CNBD1: variants seen among roughly 807,000 people sequenced by gnomAD.
The protein encoded by CNBD1 is cyclic nucleotide binding domain containing 1.
Under a neutral mutation model 54.4 loss-of-function variants are expected in CNBD1, and 71 were observed. The ratio of observed to expected loss-of-function variants is 1.30; its 90% confidence interval spans 1.08 to 1.59. The LOEUF (loss-of-function observed/expected upper bound fraction) is 1.59, where lower values mean the gene tolerates loss of function less well. Among genes scored for constraint, CNBD1 ranks in the 40% most tolerant of loss-of-function variants. The pLI is 0.00. For missense variants in CNBD1, 659 were observed against 518.0 expected (o/e 1.27, Z -2.64); for synonymous variants, 182 against 170.7 (o/e 1.07, Z -0.51).
intron 4 of CNBD1, among the ~76,000 whole-genome samples, chr8:87,097,982 T>C (rs2130688963): frequency 6.6e-6 from 1 of 152,356 alleles, no homozygotes; most frequent in Middle Eastern, 3.4e-3. Context: ...ATAACATTGT[T>C]ATGCTTCCCT....
At chr8:87,067,294 G>T (rs137953083) in intron 4 of CNBD1, among the ~76,000 whole-genome samples, 2 of 151,956 alleles carry the variant, frequency 1.3e-5, no homozygotes, top group East Asian at 3.9e-4. Context: ...CAAAGATAAA[G>T]AACACACATT....
At chr8:87,266,438 C>CTTTTTTTTTTTTTT (rs72293236) in intron 6 of CNBD1, among the ~76,000 whole-genome samples, 1 of 50,120 alleles carries the variant, frequency 2.0e-5, no homozygotes, top group African/African-American at 8.6e-5. Context: ...AAAAAAAAAT[C>CTTTTTTTTTTTTTT]TTTTTTTTTT....
chr8:87,114,986 C>G (rs2130708460), intron 4 of CNBD1, among the ~76,000 whole-genome samples: 1 of 152,222 alleles, frequency 6.6e-6, no homozygotes, highest in East Asian at 1.9e-4. Flanking sequence ...AATAGAATGT[C>G]ATAGGCTAAT....
At chr8:87,399,972 A>G (rs1807518368) in intron 2 of CNBD1, among the ~76,000 whole-genome samples, 1 of 151,942 alleles carries the variant, frequency 6.6e-6, no homozygotes. Flanking sequence ...GGACATAACC[A>G]AGACCACTGG....
At chr8:87,411,306 T>A (rs1164932764) in intron 2 of CNBD1, among the ~76,000 whole-genome samples, 1 of 150,330 alleles carries the variant, frequency 6.7e-6, no homozygotes, top group Non-Finnish European at 1.5e-5. Flanking sequence ...TACAACCCTA[T>A]GTTTAACTTG....
intron 2 of CNBD1, among the ~76,000 whole-genome samples, chr8:87,414,457 G>A (rs1241562514): frequency 6.6e-6 from 1 of 151,986 alleles, no homozygotes; most frequent in Non-Finnish European, 1.5e-5. Flanking sequence ...CACCAACATG[G>A]CACATGTATA....
chr8:86,966,436 T>A (rs1808076088), intron 4 of CNBD1, among the ~76,000 whole-genome samples: 1 of 152,192 alleles, frequency 6.6e-6, no homozygotes, highest in Non-Finnish European at 1.5e-5. Context: ...AGATGGTGTA[T>A]CCGGAGTTTA....
intron 10 of CNBD1, among the ~76,000 whole-genome samples, chr8:87,378,564 G>A (rs1241436739): frequency 6.7e-6 from 1 of 150,276 alleles, no homozygotes; most frequent in Admixed American, 6.6e-5. Context: ...TAGCCTTGTT[G>A]TATAGTTTGA....
At chr8:87,231,349 A>G (rs1814685964) in intron 5 of CNBD1, among the ~76,000 whole-genome samples, 1 of 152,136 alleles carries the variant, frequency 6.6e-6, no homozygotes, top group Non-Finnish European at 1.5e-5. Flanking sequence ...TGAGACAGAG[A>G]GGGGAGGGGA....
chr8:87,378,258 GT>G (rs985244016), intron 10 of CNBD1, among the ~76,000 whole-genome samples: 14 of 143,702 alleles, frequency 9.7e-5, no homozygotes, highest in Admixed American at 8.4e-4. Flanking sequence ...TAATGCCTAG[GT>G]TTTCTTCTAG....
intron 8 of CNBD1, among the ~76,000 whole-genome samples, chr8:87,302,482 C>T (rs568045937): frequency 5.3e-4 from 81 of 151,950 alleles, no homozygotes; most frequent in Middle Eastern, 3.4e-3. Flanking sequence ...ATTGATGGGA[C>T]GTATCTCAAA....
At chr8:87,157,424 G>A (rs1390243141) in intron 4 of CNBD1, among the ~76,000 whole-genome samples, 1 of 152,186 alleles carries the variant, frequency 6.6e-6, no homozygotes, top group Non-Finnish European at 1.5e-5. Context: ...AAGTAATAAG[G>A]ATAAGGTGAC....
At chr8:87,337,047 G>A (rs781669734) in intron 8 of CNBD1, among the ~76,000 whole-genome samples, 34 of 152,148 alleles carry the variant, frequency 2.2e-4, no homozygotes, top group Non-Finnish European at 4.4e-4. Context: ...AAGGAGGCTG[G>A]AGAACAGCAA....
intron 2 of CNBD1, among the ~76,000 whole-genome samples, chr8:87,389,357 G>T (rs756405618): frequency 6.6e-6 from 1 of 152,114 alleles, no homozygotes; most frequent in Non-Finnish European, 1.5e-5. Context: ...AAACCCCAGC[G>T]TCTCAGCCCA....
At chr8:87,241,480 G>T (rs564120204) in intron 6 of CNBD1, among the ~76,000 whole-genome samples, 3 of 151,926 alleles carry the variant, frequency 2.0e-5, no homozygotes, top group Non-Finnish European at 4.4e-5. Flanking sequence ...CACCGTGTTA[G>T]CCAGGATCGT....
In CNBD1 at chr8:87,406,482, T is replaced by TACACACAC. The variant is rs1563589764; in HGVS notation, c.214-22064_214-22063insACACACAC. ...CACACACACACACACACACACACTT[T>TACACACAC]TTTTTTTTTTTTTTTGAGACAGAAT... On this transcript the variant is annotated intron_variant, in intron 2 of 7. Transcript: ENST00000521593. 2.0e-3 allele frequency among the ~76,000 whole-genome samples: 287 copies of TACACACAC among 142,956 alleles called. 2 individuals are homozygous for TACACACAC. Among genetic ancestry groups the TACACACAC allele is most frequent in the African/African-American group, 7.3e-3 (262 of 35,978 alleles). 93.8% of individuals were successfully genotyped at this position (142,956 alleles called of 152,430 possible).
At chr8:87,390,125 G>C (rs932821284) in intron 2 of CNBD1, among the ~76,000 whole-genome samples, 1 of 151,502 alleles carries the variant, frequency 6.6e-6, no homozygotes, top group Non-Finnish European at 1.5e-5. Context: ...TTAAACGTTA[G>C]ACCTAAAACC....
At chr8:87,268,532 C>A (rs978949355) in intron 6 of CNBD1, among the ~76,000 whole-genome samples, 2 of 152,090 alleles carry the variant, frequency 1.3e-5, no homozygotes, top group African/African-American at 2.4e-5. Context: ...CCCTACACTG[C>A]TCACCACAGT....
chr8:87,303,646 TTAAC>T (rs1461734320), intron 8 of CNBD1, among the ~76,000 whole-genome samples: 11 of 142,814 alleles, frequency 7.7e-5, no homozygotes, highest in Non-Finnish European at 1.5e-5. Context: ...TGGGATCTAA[TTAAC>T]TAAAGAGCTT....
Sources: gnomAD v4.1 joint callset for allele counts (sites outside exome capture counted in the v4.1 genomes callset) on GRCh38, gnomAD v4.1.1 for gene constraint, MANE v1.5 for transcripts, NCBI Gene and HGNC (gene_info 2026-07-23, HGNC 2026-07-21) for gene names.